Variants in SH3GL2 observed in about 807,000 individuals in gnomAD.
SH3GL2 encodes SH3 domain containing GRB2 like 2, endophilin A1.
SH3GL2 carries 24 observed loss-of-function variants against 46.0 expected under a neutral mutation model. The observed-to-expected ratio is 0.52, with a 90% CI of 0.38 to 0.73. The LOEUF (loss-of-function observed/expected upper bound fraction) is 0.73, where lower values mean the gene tolerates loss of function less well. SH3GL2 is among the 30% of genes least tolerant of loss of function. The pLI is 0.00. For missense variants in SH3GL2, 413 were observed against 424.2 expected (o/e 0.97, Z 0.23); for synonymous variants, 196 against 147.1 (o/e 1.33, Z -2.40).
intron 1 of SH3GL2, among the ~76,000 whole-genome samples, chr9:17,708,142 C>T (rs1482198706): frequency 6.6e-6 from 1 of 152,012 alleles, no homozygotes; most frequent in Non-Finnish European, 1.5e-5. Context: ...AGATTCTGGA[C>T]TGTTCCCAAG....
At chr9:17,701,055 A>G (rs1821332752) in intron 1 of SH3GL2, among the ~76,000 whole-genome samples, 1 of 152,128 alleles carries the variant, frequency 6.6e-6, no homozygotes, top group Non-Finnish European at 1.5e-5. Context: ...AATGAACTAT[A>G]ACCTTTCATC....
At chr9:17,650,414 C>T (rs1819926791) in intron 1 of SH3GL2, among the ~76,000 whole-genome samples, 1 of 152,094 alleles carries the variant, frequency 6.6e-6, no homozygotes, top group African/African-American at 2.4e-5. Context: ...CTCTGTCACC[C>T]AGGCTGGAGT....
chr9:17,655,030 G>T (rs1248984581), intron 1 of SH3GL2, among the ~76,000 whole-genome samples: 1 of 152,168 alleles, frequency 6.6e-6, no homozygotes, highest in African/African-American at 2.4e-5. Flanking sequence ...TTTGCTTTGT[G>T]TGAAAAATCC....
At chr9:17,605,490 A>T (rs1818746138) in intron 1 of SH3GL2, among the ~76,000 whole-genome samples, 1 of 152,168 alleles carries the variant, frequency 6.6e-6, no homozygotes, top group Non-Finnish European at 1.5e-5. Flanking sequence ...GTAAGAGGCT[A>T]GAAATATAAA....
chr9:17,718,418 A>C (rs1024899893), intron 1 of SH3GL2, among the ~76,000 whole-genome samples: 1 of 152,080 alleles, frequency 6.6e-6, no homozygotes, highest in African/African-American at 2.4e-5. Flanking sequence ...AGGCCTGGAG[A>C]CCGTGTTAAA....
chr9:17,608,498 C>T (rs754428048), intron 1 of SH3GL2, among the ~76,000 whole-genome samples: 3 of 152,184 alleles, frequency 2.0e-5, no homozygotes, highest in Non-Finnish European at 4.4e-5. Context: ...TTGGTTCTTC[C>T]TCATCCACAT....
chr9:17,631,513 T>G (rs949536546), intron 1 of SH3GL2, among the ~76,000 whole-genome samples: 2 of 152,164 alleles, frequency 1.3e-5, no homozygotes, highest in Non-Finnish European at 2.9e-5. Context: ...ATGGAAAATA[T>G]AAGGACTCAA....
At position 17,579,133 on chromosome 9, in the gene SH3GL2, C is replaced by T. The variant is rs1588152613; in HGVS notation, c.-110C>T. ...CGCGCCCTCGCGCCCATAGCCCCGG[C>T]GGCGGCACGACCAGAGGCGGCCAGG... On this transcript the variant is annotated 5_prime_UTR_variant, in exon 1 of 9. Coordinates refer to ENST00000380607, the MANE Select transcript of SH3GL2 (RefSeq NM_003026.5). 3 of 658,226 alleles carry T rather than the reference C, an allele frequency of 4.6e-6. No homozygotes were observed. The highest frequency in any genetic ancestry group is 3.6e-5 in the East Asian group (1 of 27,980). 40.8% of individuals were successfully genotyped at this position (658,226 alleles called of 1,614,324 possible). A position where few individuals can be genotyped will look rare whatever the true frequency, so the allele number is the denominator to read the frequency against.
intron 1 of SH3GL2, among the ~76,000 whole-genome samples, chr9:17,694,005 A>G (rs1821146347): frequency 1.3e-5 from 2 of 152,140 alleles, no homozygotes; most frequent in African/African-American, 4.8e-5. Context: ...ACTTTCTTCC[A>G]TGCCTAATAA....
rs1024448824 is a variant in SH3GL2, at chr9:17,705,799, C to T, written c.46-41267C>T. 2.6e-5 allele frequency among the ~76,000 whole-genome samples: 4 copies of T among 151,778 alleles called. 1 individual carries two copies. The highest frequency in any genetic ancestry group is 3.9e-4 in the East Asian group (2 of 5,154). ...GGAACCATAGACATTGGGACCTACTCGAGGGTAGAGAGTGGGAGGAGGGTG... is the reference window on the plus strand; with the variant it reads ...GGAACCATAGACATTGGGACCTACTTGAGGGTAGAGAGTGGGAGGAGGGTG... On this transcript the variant is annotated intron_variant, in intron 1 of 8. Transcript: ENST00000380607.
At chr9:17,624,854 G>A (rs1161264612) in intron 1 of SH3GL2, among the ~76,000 whole-genome samples, 1 of 152,208 alleles carries the variant, frequency 6.6e-6, no homozygotes, top group Non-Finnish European at 1.5e-5. Context: ...TGTGTGAAGT[G>A]TTAGGCCCAG....
At chr9:17,621,226 A>G (rs1163429522) in intron 1 of SH3GL2, among the ~76,000 whole-genome samples, 1 of 152,260 alleles carries the variant, frequency 6.6e-6, no homozygotes, top group East Asian at 1.9e-4. Context: ...ATAATTTTAC[A>G]ATGAATGTCT....
Position 17,789,539 on chromosome 9 carries a change from T to C in SH3GL2, c.613T>C (p.Leu205=). The C allele has an allele frequency of 6.2e-7, 1 of 1,612,556 alleles. No homozygotes were observed. The highest frequency in any genetic ancestry group is 8.5e-7 in the Non-Finnish European group (1 of 1,178,738). ...EIAESSMFNL[L]EMDIEQVSQL... The stretch of plus-strand genomic sequence containing the variant: ...TGCTGAGTCAAGCATGTTCAATCTC[T>C]TGGAGATGGATGTAAGTGACTCCTG... Residue 205 remains leucine, a synonymous_variant, in exon 6 of 9, where the codon TTG becomes CTG. Transcript: ENST00000380607.
intron 8 of SH3GL2, 137 bp from the exon 9 acceptor site, chr9:17,795,407 A>G (rs1824246523): frequency 3.1e-6 from 2 of 651,316 alleles, no homozygotes; most frequent in Non-Finnish European, 5.4e-6. Flanking sequence ...AGCAAGAAGA[A>G]GCTTCAACAG....
At chr9:17,622,976 GTTTCC>G (rs1554631073) in intron 1 of SH3GL2, among the ~76,000 whole-genome samples, 9 of 78,710 alleles carry the variant, frequency 1.1e-4, no homozygotes, top group African/African-American at 2.6e-4. Context: ...TTTTCCTTTC[GTTTCC>G]TTTCGTTTCC....
intron 5 of SH3GL2, among the ~76,000 whole-genome samples, chr9:17,788,983 C>G (rs1824043850): frequency 6.6e-6 from 1 of 152,160 alleles, no homozygotes; most frequent in Admixed American, 6.5e-5. Flanking sequence ...AGAGTTTTTC[C>G]TCTGGCTTCT....
intron 1 of SH3GL2, among the ~76,000 whole-genome samples, chr9:17,653,508 A>T (rs117817253): frequency 6.6e-6 from 1 of 152,006 alleles, no homozygotes; most frequent in South Asian, 2.1e-4. Flanking sequence ...TCTTTTATTG[A>T]TGGTGCTTCT....
At chr9:17,615,611 C>T (rs145278467) in intron 1 of SH3GL2, among the ~76,000 whole-genome samples, 19 of 140,510 alleles carry the variant, frequency 1.4e-4, no homozygotes, top group African/African-American at 4.5e-4. Context: ...GCCGAGATTG[C>T]GCCACTGCAC....
chr9:17,653,635 G>C (rs1172100396), intron 1 of SH3GL2, among the ~76,000 whole-genome samples: 1 of 152,164 alleles, frequency 6.6e-6, no homozygotes, highest in Non-Finnish European at 1.5e-5. Context: ...CAATGTGATA[G>C]TACAAAGAGG....
Sources: allele counts gnomAD v4.1 joint callset (sites outside exome capture counted in the v4.1 genomes callset), GRCh38; gene constraint gnomAD v4.1.1; transcripts MANE v1.5; gene names NCBI Gene and HGNC (gene_info 2026-07-23, HGNC 2026-07-21).